SPEF2: variants seen among roughly 807,000 people sequenced by gnomAD.
SPEF2 encodes the protein sperm flagella and cilia-associated protein 2.
A neutral mutation model predicts 224.6 loss-of-function variants in SPEF2; 187 were observed. The ratio of observed to expected loss-of-function variants is 0.83; its 90% CI spans 0.74 to 0.94. SPEF2 has a LOEUF of 0.94. Among genes scored for constraint, SPEF2 ranks in the 40% least tolerant of loss-of-function variants. SPEF2 has a pLI of 0.00. For synonymous variants in SPEF2, 715 were observed against 707.3 expected (o/e 1.01, Z -0.17); for missense variants, 2,170 against 2,135.6 (o/e 1.02, Z -0.32).
intron 8 of SPEF2, 97 bp downstream of exon 8, chr5:35,659,304 A>G: frequency 1.6e-6 from 2 of 1,241,574 alleles, no homozygotes; most frequent in African/African-American, 1.5e-5. Flanking sequence ...CCAATCATCT[A>G]ATAAGATTTT....
intron 23 of SPEF2, among the ~76,000 whole-genome samples, chr5:35,744,771 CA>C (rs1441182867): frequency 6.6e-6 from 1 of 152,050 alleles, no homozygotes; most frequent in Non-Finnish European, 1.5e-5. Flanking sequence ...AACAAACAAA[CA>C]AAAAAACTGG....
At chr5:35,620,394 A>T (rs1231272265) in intron 1 of SPEF2, among the ~76,000 whole-genome samples, 5 of 152,186 alleles carry the variant, frequency 3.3e-5, no homozygotes, top group African/African-American at 1.2e-4. Context: ...TTATTTACCT[A>T]AATTTCATCA....
At chr5:35,665,377 A>T (rs1471777639) in intron 8 of SPEF2, among the ~76,000 whole-genome samples, 1 of 142,374 alleles carries the variant, frequency 7.0e-6, no homozygotes, top group Admixed American at 6.9e-5. Context: ...CAGAGGATTG[A>T]TGGTAGATAT....
chr5:35,672,389 A>G (rs551065019), intron 10 of SPEF2, among the ~76,000 whole-genome samples: 62 of 149,990 alleles, frequency 4.1e-4, no homozygotes, highest in South Asian at 3.0e-3. Context: ...ATTAATTTCT[A>G]AGTAATACAT....
intron 26 of SPEF2, among the ~76,000 whole-genome samples, chr5:35,771,152 T>TA (rs1442912261): frequency 2.1e-4 from 31 of 145,318 alleles, no homozygotes; most frequent in African/African-American, 7.9e-4. Flanking sequence ...TGAATGCAAA[T>TA]AAAAAAATAA....
At chr5:35,665,561 T>C (rs1285928960) in intron 8 of SPEF2, among the ~76,000 whole-genome samples, 1 of 152,100 alleles carries the variant, frequency 6.6e-6, no homozygotes, top group African/African-American at 2.4e-5. Context: ...ACTATTCCCT[T>C]AAAGGTTTTT....
chr5:35,778,859 C>T (rs1020252892), intron 29 of SPEF2, among the ~76,000 whole-genome samples: 2 of 152,078 alleles, frequency 1.3e-5, no homozygotes, highest in Non-Finnish European at 2.9e-5. Flanking sequence ...AATAGGTTCT[C>T]TTTAAGTTCA....
rs780896773 is a variant in SPEF2, at chr5:35,759,735, A to G, written c.3620+16A>G. 6.5e-7 allele frequency: 1 copy of G among 1,529,052 alleles called. No homozygotes were observed. The highest frequency in any genetic ancestry group is 2.3e-5 in the East Asian group (1 of 43,316). 94.7% of individuals were successfully genotyped at this position (1,529,052 alleles called of 1,614,324 possible). ...GCCAGCTTAGGTAAGGCAGGCTATT[A>G]TATCACACTGTAATTGTTTTGAACA... On this transcript the variant is annotated intron_variant, in intron 25 of 36. Transcript: ENST00000356031.
rs1746638830 is a variant in SPEF2 at position 35,641,645 on chromosome 5, T to G, written c.376T>G (p.Leu126Val). Residue 126 changes from leucine (L) to valine (V), a missense_variant, in exon 3 of 37, where the codon TTA becomes GTA. Leu to Val is a conservative substitution (Grantham distance 32). Transcript: ENST00000356031. ...GCAAACCATGCAACGTCTGACAAAT[T>G]TAAGACTTCAAAACATGAAAAGTGA... Reference protein sequence around the residue: ...EMQTMQRLTNLRLQNMKSDTF... With the variant: ...EMQTMQRLTNVRLQNMKSDTF... The G allele has an allele frequency of 1.2e-6, 2 of 1,613,338 alleles. No individual in the cohort carries two copies. The highest frequency in any genetic ancestry group is 1.1e-5 in the South Asian group (1 of 91,026).
chr5:35,646,479 G>A, intron 4 of SPEF2, 188 bp from the exon 5 acceptor site: 1 of 463,676 alleles, frequency 2.2e-6, no homozygotes, highest in Non-Finnish European at 3.8e-6. Context: ...TTAATATCAT[G>A]CTTTTCACAG....
chr5:35,667,293 C>T (rs372034337), intron 9 of SPEF2, 34 bp downstream of exon 9: 107 of 1,503,182 alleles, frequency 7.1e-5, no homozygotes, highest in Admixed American at 4.7e-4. Flanking sequence ...AGTAGAGACA[C>T]GATAGAGAAT....
At chr5:35,774,110 G>A in intron 28 of SPEF2, 89 bp downstream of exon 28, 9 of 1,500,684 alleles carry the variant, frequency 6.0e-6, no homozygotes, top group Non-Finnish European at 7.2e-6. Flanking sequence ...AATTGCCTCA[G>A]ACCATGTCTA....
chr5:35,661,254 TTATATATATA>T (rs550178866), intron 8 of SPEF2, among the ~76,000 whole-genome samples: 5,606 of 93,696 alleles, frequency 0.06, 261 homozygotes, highest in East Asian at 0.092. Context: ...TTGGTATATA[TTATATATATA>T]TATATATATA....
intron 24 of SPEF2, among the ~76,000 whole-genome samples, chr5:35,757,185 T>C (rs182688413): frequency 6.7e-6 from 1 of 148,982 alleles, no homozygotes; most frequent in Non-Finnish European, 1.5e-5. Context: ...ACATGAATTT[T>C]GATTGATTCT....
intron 34 of SPEF2, among the ~76,000 whole-genome samples, chr5:35,805,281 C>G (rs1757920293): frequency 2.0e-5 from 3 of 152,046 alleles, no homozygotes; most frequent in African/African-American, 7.2e-5. Context: ...AGTGACCATA[C>G]AGAGCTATAG....
intron 19 of SPEF2, chr5:35,709,794 G>A: frequency 3.0e-6 from 3 of 985,310 alleles, no homozygotes; most frequent in Non-Finnish European, 3.6e-6. Flanking sequence ...TTGTTGTAAT[G>A]CATGATATTG....
At chr5:35,707,824 G>A (rs9292607) in intron 18 of SPEF2, among the ~76,000 whole-genome samples, 93,158 of 151,876 alleles carry the variant, frequency 0.61, 28,683 homozygotes, top group African/African-American at 0.64. Flanking sequence ...CTTGCTTCAT[G>A]TCTTTGCTCA....
rs147924657 is a variant in SPEF2 at position 35,802,601 on chromosome 5, C to T, written c.5010+2454C>T. 9.5e-4 allele frequency among the ~76,000 whole-genome samples: 145 copies of T among 152,124 alleles called. 1 individual carries two copies. The highest frequency in any genetic ancestry group is 3.4e-3 in the African/African-American group (142 of 41,516). The stretch of plus-strand genomic sequence containing the variant: ...ATGTTCATTAGGGTGGCCAGAAAAG[C>T]CCTCTCTGAGAAGAGACATACAAAC... On this transcript the variant is annotated intron_variant, in intron 34 of 36. Coordinates refer to ENST00000356031, the MANE Select transcript of SPEF2 (RefSeq NM_024867.4).
intron 27 of SPEF2, 71 bp downstream of exon 27, chr5:35,771,827 T>TA: frequency 6.6e-7 from 1 of 1,516,772 alleles, no homozygotes; most frequent in Non-Finnish European, 8.8e-7. Context: ...AGCATTTAAC[T>TA]GGACACATTA....
Sources: gnomAD v4.1 joint callset for allele counts (sites outside exome capture counted in the v4.1 genomes callset) on GRCh38, gnomAD v4.1.1 for gene constraint, MANE v1.5 for transcripts, NCBI Gene and HGNC (gene_info 2026-07-23, HGNC 2026-07-21) for gene names.